Variants in ERC2 observed in about 807,000 individuals in gnomAD.
ERC2 encodes the protein ERC protein 2.
Under a neutral mutation model 114.8 loss-of-function variants are expected in ERC2, and 42 were observed. That is an observed-to-expected ratio of 0.37 (90% CI 0.29 to 0.47). The LOEUF is 0.47. ERC2 is among the 20% of genes least tolerant of loss of function. ERC2 has a pLI of 0.99. For missense variants in ERC2, 939 were observed against 1,150.7 expected, an observed-to-expected ratio of 0.82 and a Z score of 2.66; for synonymous variants, 454 against 425.5, an observed-to-expected ratio of 1.07 and a Z score of -0.82.
chr3:55,539,429 T>C lies in ERC2; in HGVS notation c.*40-28153A>G, dbSNP rs1428125377. The stretch of plus-strand genomic sequence containing the variant: ...TTTTTTTCTTTCTTTTTTTTTTTTT[T>C]TTTTTTTTTTTTTGATGGAGTCTTG... On this transcript the variant is annotated intron_variant, in intron 17 of 17. Transcript: ENST00000288221. Among the ~76,000 whole-genome samples the C allele has an allele frequency of 1.6e-3, 189 of 115,694 alleles. 12 individuals carry two copies. Among genetic ancestry groups the C allele is most frequent in the Non-Finnish European group, 8.3e-4 (45 of 54,324 alleles). 75.9% of individuals were successfully genotyped at this position (115,694 alleles called of 152,430 possible).
At chr3:55,974,244 C>T (rs756958574) in intron 12 of ERC2, among the ~76,000 whole-genome samples, 7 of 152,170 alleles carry the variant, frequency 4.6e-5, no homozygotes, top group Non-Finnish European at 7.3e-5. Context: ...GAGGAAGGAA[C>T]GATTCCACAG....
In ERC2 at chr3:55,781,745, G is replaced by A. The variant is rs111974719; in HGVS notation, c.2565-46827C>T. On this transcript the variant is annotated intron_variant, in intron 14 of 17. Transcript: ENST00000288221. ...AAATTAGCTGGGTGATGTGGCCGGC[G>A]CCTGTAATCCCAGCTACCCAGGAGG... Among the ~76,000 whole-genome samples, 1,115 of 151,832 alleles carry A rather than the reference G, an allele frequency of 7.3e-3. 10 individuals carry two copies. The highest frequency in any genetic ancestry group is 0.01 in the Middle Eastern group (3 of 294).
intron 1 of ERC2, among the ~76,000 whole-genome samples, chr3:56,460,002 A>G (rs1023326909): frequency 6.6e-6 from 1 of 152,224 alleles, no homozygotes; most frequent in African/African-American, 2.4e-5. Flanking sequence ...TAAGAGCAGA[A>G]CTTTGAGGCA....
chr3:56,298,471 G>T (rs1395664462), intron 2 of ERC2, among the ~76,000 whole-genome samples: 8 of 151,860 alleles, frequency 5.3e-5, no homozygotes, highest in Non-Finnish European at 1.2e-4. Flanking sequence ...CAACCCATTT[G>T]TCAATCAACT....
At position 56,008,044 on chromosome 3, in the gene ERC2, C is replaced by T. The variant is rs150937213; in HGVS notation, c.1921-723G>A. On this transcript the variant is annotated intron_variant, in intron 9 of 17. Coordinates refer to ENST00000288221, the MANE Select transcript of ERC2 (RefSeq NM_015576.3). The stretch of plus-strand genomic sequence containing the variant: ...TAAATAACTTGCATATATCACTGAA[C>T]ATAACTTTGCAACCTAAAAGAGCAA... Among the ~76,000 whole-genome samples the T allele has an allele frequency of 1.1e-3, 169 of 152,196 alleles. 1 individual carries two copies. Among genetic ancestry groups the T allele is most frequent in the African/African-American group, 3.7e-3 (155 of 41,540 alleles).
At chr3:55,869,778 C>T (rs895027965) in intron 14 of ERC2, among the ~76,000 whole-genome samples, 1 of 152,150 alleles carries the variant, frequency 6.6e-6, no homozygotes, top group Non-Finnish European at 1.5e-5. Context: ...ATGCAGCACC[C>T]TCCCAGAGAA....
intron 15 of ERC2, among the ~76,000 whole-genome samples, chr3:55,709,296 T>C (rs1018664405): frequency 6.6e-6 from 1 of 152,192 alleles, no homozygotes; most frequent in African/African-American, 2.4e-5. Flanking sequence ...CACATACCCT[T>C]GGAGGCAAGA....
At chr3:55,958,567 A>T (rs2149462009) in intron 12 of ERC2, among the ~76,000 whole-genome samples, 1 of 152,268 alleles carries the variant, frequency 6.6e-6, no homozygotes, top group Admixed American at 6.5e-5. Flanking sequence ...TGCCATCCAC[A>T]GTGCCCAGGA....
intron 1 of ERC2, among the ~76,000 whole-genome samples, chr3:56,442,947 G>A (rs541978546): frequency 1.3e-5 from 2 of 152,178 alleles, no homozygotes; most frequent in Non-Finnish European, 2.9e-5. Flanking sequence ...GATATAACAG[G>A]ATTTGAGAGG....
chr3:55,562,476 CTAA>C (rs1007343657), intron 17 of ERC2, among the ~76,000 whole-genome samples: 5 of 152,100 alleles, frequency 3.3e-5, no homozygotes, highest in African/African-American at 1.2e-4. Context: ...TTTAATTAAG[CTAA>C]TTTGAGTTGA....
chr3:55,592,538 G>C (rs756044455), intron 17 of ERC2, among the ~76,000 whole-genome samples: 6 of 152,144 alleles, frequency 3.9e-5, no homozygotes, highest in Non-Finnish European at 7.4e-5. Context: ...GGTAGAAAAA[G>C]GTGAGAAGGA....
At chr3:55,745,082 C>A (rs776235727) in intron 14 of ERC2, among the ~76,000 whole-genome samples, 4 of 152,168 alleles carry the variant, frequency 2.6e-5, no homozygotes, top group African/African-American at 4.8e-5. Flanking sequence ...TCAGAGAGGC[C>A]TTTAAAATTG....
chr3:56,185,847 G>A (rs1313253005), intron 3 of ERC2, among the ~76,000 whole-genome samples: 1 of 152,098 alleles, frequency 6.6e-6, no homozygotes, highest in African/African-American at 2.4e-5. Context: ...TAAAAGCTGA[G>A]AACTTTCTCT....
At chr3:56,340,521 TGA>T (rs148284942) in intron 2 of ERC2, among the ~76,000 whole-genome samples, 3,338 of 139,820 alleles carry the variant, frequency 0.024, 109 homozygotes, top group African/African-American at 0.072. Flanking sequence ...TGTTTGTGTG[TGA>T]GAGAGAGAGA....
intron 14 of ERC2, among the ~76,000 whole-genome samples, chr3:55,739,195 T>C (rs1168665441): frequency 6.6e-6 from 1 of 152,222 alleles, no homozygotes; most frequent in Non-Finnish European, 1.5e-5. Context: ...GTCTTTGCTA[T>C]TGTGAATAGT....
At chr3:56,143,627 A>C (rs922651113) in intron 5 of ERC2, among the ~76,000 whole-genome samples, 12 of 152,180 alleles carry the variant, frequency 7.9e-5, no homozygotes, top group African/African-American at 2.7e-4. Flanking sequence ...TGAGTTCATT[A>C]AACCTCTTTC....
In ERC2 at chr3:55,683,876, G is replaced by A. The variant is rs753798826; in HGVS notation, c.2848-17C>T. The stretch of plus-strand genomic sequence containing the variant: ...CTCGTCATCCTGCGGCCGGCCCGAG[G>A]TGGGGAGGTGCACAGAGAGGAGGGG... On this transcript the variant is annotated splice_polypyrimidine_tract_variant and intron_variant, in intron 16 of 17. Transcript: ENST00000288221. 54 of 1,612,214 alleles carry A rather than the reference G, an allele frequency of 3.3e-5. No individual in the cohort carries two copies. Among genetic ancestry groups the A allele is most frequent in the Non-Finnish European group, 4.2e-5 (50 of 1,179,210 alleles).
chr3:56,461,979 G>T (rs2063337340), intron 1 of ERC2, among the ~76,000 whole-genome samples: 1 of 152,126 alleles, frequency 6.6e-6, no homozygotes, highest in Non-Finnish European at 1.5e-5. Context: ...CTCAAGGAAG[G>T]TCTAGAATGT....
chr3:55,945,593 G>A (rs1244529421), intron 13 of ERC2, among the ~76,000 whole-genome samples: 1 of 152,118 alleles, frequency 6.6e-6, no homozygotes, highest in East Asian at 1.9e-4. Context: ...CACTTCCTCT[G>A]TTAGCTGATT....
Sources: allele counts gnomAD v4.1 joint callset (sites outside exome capture counted in the v4.1 genomes callset), GRCh38; gene constraint gnomAD v4.1.1; transcripts MANE v1.5; gene names NCBI Gene and HGNC (gene_info 2026-07-23, HGNC 2026-07-21).